The following RBM15 variants were observed in gnomAD, a reference collection of about 807,000 sequenced individuals.
The protein encoded by RBM15 is RNA-binding protein 15.
In RBM15, 8 loss-of-function variants were observed where a neutral mutation model predicts 62.6. The ratio of observed to expected loss-of-function variants is 0.13; its 90% CI spans 0.07 to 0.23. RBM15 has a LOEUF of 0.23. Among genes scored for constraint, RBM15 ranks in the 10% least tolerant of loss-of-function variants. The probability of loss-of-function intolerance (pLI) is 1.00; values close to 1 mark genes in which losing one functional copy is unlikely to be tolerated. For missense variants in RBM15, 1,144 were observed against 1,286.5 expected, an observed-to-expected ratio of 0.89 and a Z score of 1.69; for synonymous variants, 606 against 505.7, an observed-to-expected ratio of 1.20 and a Z score of -2.66.
At chr1:110,343,224 T>A (rs1660836999) in intron 1 of RBM15, among the ~76,000 whole-genome samples, 1 of 152,236 alleles carries the variant, frequency 6.6e-6, no homozygotes, top group Non-Finnish European at 1.5e-5. Flanking sequence ...CATCTTTTAT[T>A]TCAGTGGGCA....
rs375892527 is a variant in RBM15 at position 110,341,879 on chromosome 1, A to G, written c.2474A>G (p.Lys825Arg). 10 of 1,614,226 alleles carry G rather than the reference A, an allele frequency of 6.2e-6. No homozygotes were observed. The highest frequency in any genetic ancestry group is 4.5e-5 in the East Asian group (2 of 44,878). Reference protein sequence around the residue: ...SLLVEGSTGGKVAQLKITQRL... With the variant: ...SLLVEGSTGGRVAQLKITQRL... ...CTTGTGGAGGGTTCAACTGGAGGCAAAGTGGCCCAGCTCAAGATCACTCAG... is the reference window on the plus strand; with the variant it reads ...CTTGTGGAGGGTTCAACTGGAGGCAGAGTGGCCCAGCTCAAGATCACTCAG... Residue 825 changes from lysine to arginine, a missense_variant, in exon 1 of 3, where the codon AAA becomes AGA. Physicochemically the swap from Lys to Arg is conservative, Grantham distance 26 (BLOSUM62 2). This residue lies in a region of RBM15 where 144 missense variants were observed against 223.3 expected (regional missense o/e 0.64). Coordinates refer to ENST00000369784, the MANE Select transcript of RBM15 (RefSeq NM_022768.5). This position sits in a 1 kb window ranked among gnomAD's most constrained non-coding sequence, Gnocchi z 4.5.
Position 110,346,359 on chromosome 1 carries a change from C to G in RBM15, c.*92C>G, listed in dbSNP as rs754960541. ...ATATGGAATTCAAAGCTCTAATGGA[C>G]CTTTTTGAAGAGAAGTTGTGGCTTA... On this transcript the variant is annotated 3_prime_UTR_variant, in exon 3 of 3. Coordinates refer to ENST00000369784, the MANE Select transcript of RBM15 (RefSeq NM_022768.5). The G allele has an allele frequency of 6.3e-7, 1 of 1,597,930 alleles. No homozygotes were observed. Among genetic ancestry groups the G allele is most frequent in the Admixed American group, 1.7e-5 (1 of 60,000 alleles).
chr1:110,341,957 T>C lies in RBM15; in HGVS notation c.2552T>C (p.Val851Ala). 1 of 1,614,250 alleles carries C rather than the reference T, an allele frequency of 6.2e-7. No individual in the cohort carries two copies. The highest frequency in any genetic ancestry group is 1.1e-5 in the South Asian group (1 of 91,090). Residue 851 changes from valine to alanine, a missense_variant, in exon 1 of 3, where the codon GTA (valine) becomes GCA (alanine). This residue lies in a region of RBM15 where 144 missense variants were observed against 223.3 expected (regional missense o/e 0.64). Transcript: ENST00000369784. This position sits in a 1 kb window ranked among gnomAD's most constrained non-coding sequence, Gnocchi z 4.5. Reference sequence around the variant, plus strand: ...GATGAAGTAACTCGACGCATCAAAGTAGCAGGGCCCAATGGTTATGCCATT... The same window carrying C: ...GATGAAGTAACTCGACGCATCAAAGCAGCAGGGCCCAATGGTTATGCCATT... The part of the protein sequence containing the change: ...KLDEVTRRIK[V>A]AGPNGYAILL...
rs373989957 is a variant in RBM15, at chr1:110,340,375, C to A, written c.970C>A (p.Pro324Thr). The change falls in exon 1 of 3, where the codon CCT (proline) becomes ACT (threonine). Residue 324 changes from proline to threonine, a missense_variant. Pro to Thr is a conservative substitution (Grantham distance 38). Transcript: ENST00000369784. The surrounding 1 kb of genome is among the most constrained non-coding windows in gnomAD (Gnocchi z 5.8). ...RLPPPPPPPL[P>T]RDLERERDYP... Reference sequence around the variant, plus strand: ...GCCCCCTCCACCTCCGCCACCATTGCCTCGAGACCTGGAGAGAGAAAGAGA... The same window carrying A: ...GCCCCCTCCACCTCCGCCACCATTGACTCGAGACCTGGAGAGAGAAAGAGA... 1 of 1,614,200 alleles carries A rather than the reference C, an allele frequency of 6.2e-7. No homozygotes were observed. The highest frequency in any genetic ancestry group is 1.3e-5 in the African/African-American group (1 of 75,050).
In RBM15 at chr1:110,340,180, T is replaced by A; in HGVS notation, c.775T>A (p.Ser259Thr). Residue 259 changes from serine (S) to threonine (T), a missense_variant, in exon 1 of 3, where the codon TCC (serine) becomes ACC (threonine). Physicochemically the swap from Ser to Thr is moderately conservative, Grantham distance 58. This residue lies in a region of RBM15 where 188 missense variants were observed against 185.6 expected (regional missense o/e 1.01). Transcript: ENST00000369784. The surrounding 1 kb of genome is among the most constrained non-coding windows in gnomAD (Gnocchi z 5.8). ...AVYVSRRRSR[S>T]PLDKDTYPPS... ...GTATGTGAGCCGGCGCCGCAGCCGC[T>A]CCCCTTTAGACAAAGATACTTATCC... is the stretch of plus-strand genomic sequence containing the variant. 1 of 1,613,996 alleles carries A rather than the reference T, an allele frequency of 6.2e-7. No individual in the cohort carries two copies. Among genetic ancestry groups the A allele is most frequent in the Non-Finnish European group, 8.5e-7 (1 of 1,179,950 alleles).
At position 110,340,353 on chromosome 1, in the gene RBM15, C is replaced by G. The variant is rs760341628; in HGVS notation, c.948C>G (p.Pro316=). The G allele has an allele frequency of 1.9e-6, 3 of 1,614,064 alleles. No individual in the cohort carries two copies. Among genetic ancestry groups the G allele is most frequent in the South Asian group, 1.1e-5 (1 of 91,090 alleles). The change falls in exon 1 of 3, where the codon CCC becomes CCG. Residue 316 remains proline, a synonymous_variant. Transcript: ENST00000369784. The surrounding 1 kb of genome is among the most constrained non-coding windows in gnomAD (Gnocchi z 5.8). The part of the protein sequence containing the change: ...RLQQLALGRL[P]PPPPPPLPRD... ...AGCAGTTGGCTCTTGGCCGCCTGCCCCCTCCACCTCCGCCACCATTGCCTC... is the reference window on the plus strand; with the variant it reads ...AGCAGTTGGCTCTTGGCCGCCTGCCGCCTCCACCTCCGCCACCATTGCCTC...
In RBM15 at chr1:110,339,829, A is replaced by C; in HGVS notation, c.424A>C (p.Ser142Arg). The C allele has an allele frequency of 6.3e-7, 1 of 1,599,912 alleles. No homozygotes were observed. The highest frequency in any genetic ancestry group is 8.5e-7 in the Non-Finnish European group (1 of 1,169,724). ...TTCTTCGGGCGGGGGCGAATCGCGC[A>C]GCAGCTCCCGGGGTGGAGGCGGGGA... is the stretch of plus-strand genomic sequence containing the variant. Reference protein sequence around the residue: ...KNSSGGGESRSSSRGGGGESR... With the variant: ...KNSSGGGESRRSSRGGGGESR... Residue 142 changes from serine (S) to arginine (R), a missense_variant, in exon 1 of 3, where the codon AGC becomes CGC. Physicochemically the swap from Ser to Arg is moderately radical, Grantham distance 110. Around this residue, in one of 8 missense-constraint regions of RBM15, gnomAD observed 298 missense variants for 250.0 expected, o/e 1.19. Transcript: ENST00000369784.
In RBM15 at chr1:110,339,511, G is replaced by T; in HGVS notation, c.106G>T (p.Gly36Ter). ...GGGGCGGCGGGTTACTCAGCTCCGCGGAGACGACCTCCGACGACCCGCAAC... is the reference window on the plus strand; with the variant it reads ...GGGGCGGCGGGTTACTCAGCTCCGCTGAGACGACCTCCGACGACCCGCAAC... ...SAGRRVTQLR[G>*]DDLRRPATMK... Residue 36 changes from glycine (G) to a stop codon, truncating the protein, a stop_gained, in exon 1 of 3, where the codon GGA (glycine) becomes TGA (stop). Transcript: ENST00000369784. LOFTEE classifies it high-confidence loss of function. The T allele has an allele frequency of 1.3e-6, 2 of 1,598,314 alleles. No homozygotes were observed. The highest frequency in any genetic ancestry group is 1.7e-6 in the Non-Finnish European group (2 of 1,169,630).
chr1:110,340,435 A>G lies in RBM15; in HGVS notation c.1030A>G (p.Ser344Gly). The G allele has an allele frequency of 1.2e-6, 2 of 1,614,196 alleles. No homozygotes were observed. Among genetic ancestry groups the G allele is most frequent in the African/African-American group, 2.7e-5 (2 of 75,042 alleles). Reference protein sequence around the residue: ...PFYERVRPAYSLEPRVGAGAG... With the variant: ...PFYERVRPAYGLEPRVGAGAG... Reference sequence around the variant, plus strand: ...CTATGAGAGAGTGCGCCCTGCATACAGTCTTGAGCCAAGGGTGGGAGCTGG... The same window carrying G: ...CTATGAGAGAGTGCGCCCTGCATACGGTCTTGAGCCAAGGGTGGGAGCTGG... Residue 344 changes from serine (S) to glycine (G), a missense_variant, in exon 1 of 3, where the codon AGT becomes GGT. By Grantham distance (56) the Ser-to-Gly change is moderately conservative. Around this residue, in one of 8 missense-constraint regions of RBM15, gnomAD observed 33 missense variants for 39.6 expected, o/e 0.83. Coordinates refer to ENST00000369784, the MANE Select transcript of RBM15 (RefSeq NM_022768.5). This position sits in a 1 kb window ranked among gnomAD's most constrained non-coding sequence, Gnocchi z 5.8.
intron 1 of RBM15, among the ~76,000 whole-genome samples, chr1:110,344,874 A>G (rs1434588004): frequency 6.6e-6 from 1 of 152,214 alleles, no homozygotes; most frequent in African/African-American, 2.4e-5. Flanking sequence ...AATGGAAAGA[A>G]AACTTCAGGA....
chr1:110,346,514 AAAATG>A lies in RBM15; in HGVS notation c.*249_*253del. On this transcript the variant is annotated 3_prime_UTR_variant, in exon 3 of 3. Transcript: ENST00000369784. ...CAATGCCGGTGTTTTAAGTGGAAAA[AAAATG>A]ACCTCTTTGATTTGTGCTGTGTACA... 1 of 707,944 alleles carries A rather than the reference AAAATG, an allele frequency of 1.4e-6. No homozygotes were observed. Among genetic ancestry groups the A allele is most frequent in the Non-Finnish European group, 2.4e-6 (1 of 413,060 alleles). The allele number at this position is 707,944 out of a possible 1,614,324, so 43.9% of individuals were successfully genotyped here. A position where few individuals can be genotyped will look rare whatever the true frequency, so the allele number is the denominator to read the frequency against.
In RBM15 at chr1:110,339,975, G is replaced by T. The variant is rs2101138671; in HGVS notation, c.570G>T (p.Leu190=). Residue 190 remains leucine, a synonymous_variant, in exon 1 of 3, where the codon CTG becomes CTT. Coordinates refer to ENST00000369784, the MANE Select transcript of RBM15 (RefSeq NM_022768.5). ...GTGACGAAGCGGTGGAGGACGGCCT[G>T]TTTCATGAGTTCAAACGCTTCGGTG... ...QLSDEAVEDG[L]FHEFKRFGDV... 1 of 1,614,078 alleles carries T rather than the reference G, an allele frequency of 6.2e-7. No individual in the cohort carries two copies.
At position 110,339,709 on chromosome 1, in the gene RBM15, A is replaced by G; in HGVS notation, c.304A>G (p.Lys102Glu). 3.7e-6 allele frequency: 6 copies of G among 1,613,046 alleles called. No homozygotes were observed. Among genetic ancestry groups the G allele is most frequent in the Non-Finnish European group, 5.1e-6 (6 of 1,179,896 alleles). Residue 102 changes from lysine to glutamate, a missense_variant, in exon 1 of 3, where the codon AAG becomes GAG. Physicochemically the swap from Lys to Glu is moderately conservative, Grantham distance 56. Transcript: ENST00000369784. ...GGSRRSLHLD[K>E]SSSRGGSREY... is the part of the protein sequence containing the mutation. ...GTCGCGGCGGAGTCTCCACCTGGAC[A>G]AGTCCAGCAGTCGAGGTGGCAGCCG...
In RBM15 at chr1:110,340,929, C is replaced by G. The variant is rs1660781515; in HGVS notation, c.1524C>G (p.Thr508=). 6.2e-7 allele frequency: 1 copy of G among 1,614,190 alleles called. No homozygotes were observed. The highest frequency in any genetic ancestry group is 8.5e-7 in the Non-Finnish European group (1 of 1,180,032). The stretch of plus-strand genomic sequence containing the variant: ...TGGATGCAGCGCATGCTGCCTGGAC[C>G]CATATGCGGGGCTTCCCACTTGGTG... ...ESLDAAHAAW[T]HMRGFPLGGP... The change falls in exon 1 of 3, where the codon ACC becomes ACG. Residue 508 remains threonine, a synonymous_variant. Coordinates refer to ENST00000369784, the MANE Select transcript of RBM15 (RefSeq NM_022768.5). The surrounding 1 kb of genome is among the most constrained non-coding windows in gnomAD (Gnocchi z 5.8).
Position 110,339,440 on chromosome 1 carries a change from G to T in RBM15, c.35G>T (p.Arg12Leu), listed in dbSNP as rs376517969. 1.3e-6 allele frequency: 2 copies of T among 1,535,378 alleles called. No homozygotes were observed. Residue 12 changes from arginine (R) to leucine (L), a missense_variant, in exon 1 of 3, where the codon CGG (arginine) becomes CTG (leucine). Transcript: ENST00000369784. ...RTAGRDPVPR[R>L]SPRWRRAVPL... ...GCGGGGCGGGACCCTGTGCCGCGGC[G>T]GAGTCCAAGATGGCGGCGTGCGGTT...
Position 110,346,313 on chromosome 1 carries a change from C to G in RBM15, c.*46C>G, listed in dbSNP as rs1334400989. 5.6e-6 allele frequency: 9 copies of G among 1,598,070 alleles called. No individual in the cohort carries two copies. The highest frequency in any genetic ancestry group is 6.8e-6 in the Non-Finnish European group (8 of 1,179,726). ...TTTTTCCCCCCCTCCGCAAGCAAAA[C>G]TGGTTGAACAGCGGATGAAGATATG... On this transcript the variant is annotated 3_prime_UTR_variant, in exon 3 of 3. Transcript: ENST00000369784.
At position 110,342,059 on chromosome 1, in the gene RBM15, A is replaced by C; in HGVS notation, c.2654A>C (p.Gln885Pro). The change falls in exon 1 of 3, where the codon CAG (glutamine) becomes CCG (proline). Residue 885 changes from glutamine (Q) to proline (P), a missense_variant. Gln to Pro is a moderately conservative substitution (Grantham distance 76). Transcript: ENST00000369784. Reference protein sequence around the residue: ...SAASDTATSTQRPLRNLVSYL... With the variant: ...SAASDTATSTPRPLRNLVSYL... ...GCATCAGACACTGCCACTTCTACTC[A>C]GAGGCCACTTAGGAACCTTGTGTCC... 6.2e-7 allele frequency: 1 copy of C among 1,614,242 alleles called. No homozygotes were observed. Among genetic ancestry groups the C allele is most frequent in the East Asian group, 2.2e-5 (1 of 44,882 alleles).
Position 110,342,211 on chromosome 1 carries a change from C to T in RBM15, c.2806C>T (p.Pro936Ser). 1 of 1,612,510 alleles carries T rather than the reference C, an allele frequency of 6.2e-7. No homozygotes were observed. The highest frequency in any genetic ancestry group is 8.5e-7 in the Non-Finnish European group (1 of 1,179,176). ...CEFSQQFLDS[P>S]AKALAKSEED... is the part of the protein sequence containing the mutation. ...GTTCTCCCAGCAGTTCCTGGATTCC[C>T]CTGCCAAGGCACTGGCCAAATCTGA... The change falls in exon 1 of 3, where the codon CCT (proline) becomes TCT (serine). Residue 936 changes from proline to serine, a missense_variant. By Grantham distance (74) the Pro-to-Ser change is moderately conservative. Around this residue, in one of 8 missense-constraint regions of RBM15, gnomAD observed 144 missense variants for 223.3 expected, o/e 0.64. Transcript: ENST00000369784.
In RBM15 at chr1:110,340,315, GAC is replaced by G; in HGVS notation, c.911_912del (p.Asp304ValfsTer33). On this transcript the variant is annotated frameshift_variant, in exon 1 of 3. Coordinates refer to ENST00000369784, the MANE Select transcript of RBM15 (RefSeq NM_022768.5). LOFTEE classifies it high-confidence loss of function. The surrounding 1 kb of genome is among the most constrained non-coding windows in gnomAD (Gnocchi z 5.8). ...SPGGAALGYR[D>X]YRLQQLALGR... ...TGGTGGCGCTGCTTTGGGATACAGA[GAC>G]TACCGGCTGCAGCAGTTGGCTCTTG... 1 of 1,614,228 alleles carries G rather than the reference GAC, an allele frequency of 6.2e-7. No homozygotes were observed. Among genetic ancestry groups the G allele is most frequent in the Non-Finnish European group, 8.5e-7 (1 of 1,180,034 alleles).
Sources: gnomAD v4.1 joint callset for allele counts (sites outside exome capture counted in the v4.1 genomes callset) on GRCh38, gnomAD v4.1.1 for gene constraint, gnomAD v4.1.1 regional missense constraint, Gnocchi (gnomAD v3.1) non-coding constraint, MANE v1.5 for transcripts, NCBI Gene and HGNC (gene_info 2026-07-23, HGNC 2026-07-21) for gene names.